The following LAMA2 variants were observed in gnomAD, a reference collection of about 807,000 sequenced individuals.
The protein encoded by LAMA2 is laminin subunit alpha-2.
Under a neutral mutation model 364.8 loss-of-function variants are expected in LAMA2, and 269 were observed. The ratio of observed to expected loss-of-function variants is 0.74; its 90% confidence interval spans 0.67 to 0.82. LAMA2 has a LOEUF of 0.82. LAMA2 is among the 40% of genes least tolerant of loss of function. LAMA2 has a pLI of 0.00. For synonymous variants in LAMA2, 1,379 were observed against 1,370.6 expected, an observed-to-expected ratio of 1.01 and a Z score of -0.14; for missense variants, 3,807 against 3,873.2, an observed-to-expected ratio of 0.98 and a Z score of 0.45.
intron 1 of LAMA2, among the ~76,000 whole-genome samples, chr6:128,966,693 A>C (rs1455492135): frequency 6.6e-6 from 1 of 152,138 alleles, no homozygotes; most frequent in East Asian, 1.9e-4. Context: ...AAAACTATCC[A>C]TTCATTAATC....
At chr6:129,473,162 A>G in intron 51 of LAMA2, 52 bp from the exon 52 acceptor site, 1 of 1,389,202 alleles carries the variant, frequency 7.2e-7, no homozygotes, top group South Asian at 1.2e-5. Context: ...GATGATATAG[A>G]TGTGGTTGAT....
intron 46 of LAMA2, 134 bp downstream of exon 46, chr6:129,453,265 A>C (rs1197508764): frequency 3.7e-6 from 3 of 817,034 alleles, no homozygotes; most frequent in Admixed American, 2.0e-5. Flanking sequence ...TGAAAACCTC[A>C]ACGTCTTACC....
intron 37 of LAMA2, among the ~76,000 whole-genome samples, chr6:129,398,472 CTTT>C (rs71028159): frequency 9.0e-6 from 1 of 110,512 alleles, no homozygotes; most frequent in Non-Finnish European, 1.8e-5. Context: ...CTTTTCTTTT[CTTT>C]TTTTTTTTTT....
intron 1 of LAMA2, among the ~76,000 whole-genome samples, chr6:129,046,814 T>A (rs1225242044): frequency 6.6e-6 from 1 of 152,216 alleles, no homozygotes; most frequent in East Asian, 1.9e-4. Context: ...GATATGTTTG[T>A]TTTTTCTTTC....
chr6:129,443,122 A>T, intron 44 of LAMA2, 54 bp downstream of exon 44: 1 of 1,419,244 alleles, frequency 7.0e-7, no homozygotes, highest in Non-Finnish European at 9.8e-7. Flanking sequence ...TTCATTGCCT[A>T]TTGCAAAAAG....
At chr6:129,071,441 G>T (rs535249452) in intron 3 of LAMA2, among the ~76,000 whole-genome samples, 287 of 151,778 alleles carry the variant, frequency 1.9e-3, no homozygotes, top group African/African-American at 6.6e-3. Context: ...TTTACTTCTC[G>T]TTATTTTTTA....
chr6:129,365,617 C>A (rs969567515), intron 32 of LAMA2, among the ~76,000 whole-genome samples: 1 of 152,016 alleles, frequency 6.6e-6, no homozygotes, highest in African/African-American at 2.4e-5. Context: ...CCCACCTCGG[C>A]CTCTCAAAGT....
intron 8 of LAMA2, chr6:129,157,431 A>G (rs1244966468): frequency 6.9e-7 from 1 of 1,459,762 alleles, no homozygotes; most frequent in Non-Finnish European, 9.6e-7. Flanking sequence ...TCTGAGAACC[A>G]AGTTAACATC....
At chr6:128,942,834 G>A (rs1780238625) in intron 1 of LAMA2, among the ~76,000 whole-genome samples, 1 of 152,128 alleles carries the variant, frequency 6.6e-6, no homozygotes, top group Non-Finnish European at 1.5e-5. Flanking sequence ...TTACCAAAGG[G>A]AGCTCATTTG....
chr6:129,431,206 A>G (rs1442794109), intron 41 of LAMA2, among the ~76,000 whole-genome samples: 1 of 152,018 alleles, frequency 6.6e-6, no homozygotes, highest in Non-Finnish European at 1.5e-5. Context: ...TGAGACCAGC[A>G]TGGCCAGCGT....
intron 30 of LAMA2, among the ~76,000 whole-genome samples, chr6:129,346,601 G>A (rs754678088): frequency 1.3e-5 from 2 of 152,168 alleles, no homozygotes; most frequent in Non-Finnish European, 2.9e-5. Context: ...TTCTTTGAAG[G>A]TAAACATAAT....
At chr6:129,388,943 C>T (rs1167149383) in intron 35 of LAMA2, among the ~76,000 whole-genome samples, 6 of 152,154 alleles carry the variant, frequency 3.9e-5, no homozygotes, top group Non-Finnish European at 8.8e-5. Flanking sequence ...AAGCTTCTTA[C>T]ATTTAATCAT....
intron 3 of LAMA2, among the ~76,000 whole-genome samples, chr6:129,089,080 G>C (rs1433564278): frequency 6.6e-6 from 1 of 152,256 alleles, no homozygotes; most frequent in Non-Finnish European, 1.5e-5. Flanking sequence ...GGGAGGCCGA[G>C]GCTGGCAGAT....
At chr6:129,362,586 T>C (rs1403898052) in intron 32 of LAMA2, among the ~76,000 whole-genome samples, 2 of 152,226 alleles carry the variant, frequency 1.3e-5, no homozygotes, top group Non-Finnish European at 2.9e-5. Flanking sequence ...ATTTACTGAA[T>C]ATTAACTGTG....
intron 49 of LAMA2, among the ~76,000 whole-genome samples, chr6:129,462,740 G>GTGTT (rs72343617): frequency 3.0e-4 from 46 of 151,764 alleles, no homozygotes; most frequent in East Asian, 5.8e-4. Context: ...AGAACTCCTG[G>GTGTT]TGTTTGTTTG....
At chr6:129,312,157 A>C (rs1331474812) in intron 22 of LAMA2, among the ~76,000 whole-genome samples, 1 of 152,146 alleles carries the variant, frequency 6.6e-6, no homozygotes, top group Non-Finnish European at 1.5e-5. Context: ...TGATGGAAAA[A>C]AAAAAAACAA....
At chr6:129,071,723 G>A (rs909087115) in intron 3 of LAMA2, among the ~76,000 whole-genome samples, 2 of 152,068 alleles carry the variant, frequency 1.3e-5, no homozygotes, top group Non-Finnish European at 2.9e-5. Flanking sequence ...TAATCGTTTT[G>A]TTTTTGTTGT....
At position 129,313,110 on chromosome 6, in the gene LAMA2, G is replaced by A. The variant is rs3798663; in HGVS notation, c.3411+13G>A. The A allele has an allele frequency of 0.17, 260,625 of 1,520,938 alleles. 30,571 individuals are homozygous for A. The highest frequency in any genetic ancestry group is 0.55 in the East Asian group (24,082 of 44,084). 94.2% of individuals were successfully genotyped at this position (1,520,938 alleles called of 1,614,324 possible). A position where few individuals can be genotyped will look rare whatever the true frequency, so the allele number is the denominator to read the frequency against. On this transcript the variant is annotated intron_variant, in intron 23 of 64. Transcript: ENST00000421865. ...GTGCACTTGTAAGGTATGTGCTGCT[G>A]ACATGCAGCTAGGGAAAACCTCCCT... is the stretch of plus-strand genomic sequence containing the variant.
chr6:129,039,419 A>G (rs1325526667), intron 1 of LAMA2, among the ~76,000 whole-genome samples: 1 of 152,222 alleles, frequency 6.6e-6, no homozygotes, highest in Admixed American at 6.5e-5. Flanking sequence ...GCAACAGATG[A>G]GTTCAGACAG....
Sources: gnomAD v4.1 joint callset for allele counts (sites outside exome capture counted in the v4.1 genomes callset) on GRCh38, gnomAD v4.1.1 for gene constraint, MANE v1.5 for transcripts, NCBI Gene and HGNC (gene_info 2026-07-23, HGNC 2026-07-21) for gene names.